The following AWAT1 variants were observed in gnomAD, a reference collection of about 807,000 sequenced individuals.
AWAT1 encodes the protein diacyl-glycerol acyltransferase 2.
A neutral mutation model predicts 21.6 loss-of-function variants in AWAT1; 26 were observed. The ratio of observed to expected loss-of-function variants is 1.20; its 90% confidence interval spans 0.88 to 1.67. AWAT1 has a LOEUF of 1.67. AWAT1 is among the 40% of genes most tolerant of loss of function. The pLI, the probability that AWAT1 is intolerant of heterozygous loss-of-function variation, is 0.00. For missense variants in AWAT1, 264 were observed against 249.4 expected, an observed-to-expected ratio of 1.06 and a Z score of -0.39; for synonymous variants, 102 against 99.3, an observed-to-expected ratio of 1.03 and a Z score of -0.16.
At chrX:70,235,113 A>C (rs912741219) in intron 1 of AWAT1, among the ~76,000 whole-genome samples, 2 of 111,181 alleles carry the variant, frequency 1.8e-5, no homozygotes, top group Non-Finnish European at 3.8e-5. Context: ...GATCATGGGG[A>C]ATAGGACAGA....
intron 1 of AWAT1, among the ~76,000 whole-genome samples, chrX:70,235,083 C>T (rs896728769): frequency 1.8e-5 from 2 of 110,651 alleles, no homozygotes; most frequent in Non-Finnish European, 3.8e-5. Context: ...AAAAGTGAGG[C>T]CCAGGGAATG....
At chrX:70,236,459 C>T (rs753117893) in intron 3 of AWAT1, among the ~76,000 whole-genome samples, 24 of 111,734 alleles carry the variant, frequency 2.1e-4, no homozygotes, top group Non-Finnish European at 3.0e-4. Context: ...TCTCTGCCAT[C>T]GAGGAGCTCA....
chrX:70,235,584 T>A (rs1209528690), intron 1 of AWAT1, 132 bp from the exon 2 acceptor site: 2 of 519,112 alleles, frequency 3.9e-6, no homozygotes, highest in African/African-American at 4.6e-5. Flanking sequence ...TAGACATGGA[T>A]GATGAACAGG....
At chrX:70,236,239 G>A (rs2085514266) in intron 3 of AWAT1, 100 bp downstream of exon 3, 1 of 696,071 alleles carries the variant, frequency 1.4e-6, no homozygotes, top group African/African-American at 2.1e-5. Flanking sequence ...AAGTATCCCA[G>A]GGAAGTCTCA....
chrX:70,236,980 C>T, intron 3 of AWAT1, 64 bp from the exon 4 acceptor site: 5 of 1,020,343 alleles, frequency 4.9e-6, no homozygotes, highest in Non-Finnish European at 6.8e-6. Context: ...TGAAGTATCA[C>T]CACCCTTGTT....
chrX:70,236,411 A>G (rs193038223), intron 3 of AWAT1, among the ~76,000 whole-genome samples: 1 of 111,858 alleles, frequency 8.9e-6, no homozygotes, highest in East Asian at 2.8e-4. Context: ...TCTACTCTGA[A>G]CCACGTTAGC....
intron 3 of AWAT1, 152 bp downstream of exon 3, chrX:70,236,291 GCACT>G: frequency 2.0e-6 from 1 of 497,928 alleles, no homozygotes; most frequent in Non-Finnish European, 3.3e-6. Flanking sequence ...TTTCTACTGA[GCACT>G]CCATACTCAG....
chrX:70,237,159 C>G lies in AWAT1; in HGVS notation c.371C>G (p.Ser124Trp), dbSNP rs752895931. Residue 124 changes from serine to tryptophan, a missense_variant, in exon 4 of 7, where the codon TCG (serine) becomes TGG (tryptophan). Coordinates refer to ENST00000374521, the MANE Select transcript of AWAT1 (RefSeq NM_001013579.3). ...CNFCTEATGF[S>W]KTFPGITPHL... The stretch of plus-strand genomic sequence containing the variant: ...TTCTGCACTGAGGCCACAGGCTTCT[C>G]GAAGACCTTCCCAGGCATCACTCCT... 8.3e-7 allele frequency: 1 copy of G among 1,207,900 alleles called. No homozygotes were observed. Among genetic ancestry groups the G allele is most frequent in the South Asian group, 1.8e-5 (1 of 55,964 alleles).
At chrX:70,234,865 T>A in intron 1 of AWAT1, 94 bp downstream of exon 1, 1 of 793,533 alleles carries the variant, frequency 1.3e-6, no homozygotes, top group Non-Finnish European at 1.9e-6. Context: ...AAGTCTCATT[T>A]TGAGCCTTTC....
At chrX:70,237,563 G>A (rs1569213498) in intron 4 of AWAT1, among the ~76,000 whole-genome samples, 1 of 109,779 alleles carries the variant, frequency 9.1e-6, no homozygotes, top group Non-Finnish European at 1.9e-5. Flanking sequence ...CAGGTGCAGT[G>A]ACTCACGCCT....
Position 70,240,052 on chromosome X carries a change from G to A in AWAT1, c.833-84G>A. Reference sequence around the variant, plus strand: ...GTGGGAGCTGATCTGGGATGCGAGAGTCAGGCCCAAGGTAGGAGAGGGAGG... The same window carrying A: ...GTGGGAGCTGATCTGGGATGCGAGAATCAGGCCCAAGGTAGGAGAGGGAGG... On this transcript the variant is annotated intron_variant, in intron 6 of 6. Coordinates refer to ENST00000374521, the MANE Select transcript of AWAT1 (RefSeq NM_001013579.3). 7.8e-6 allele frequency: 9 copies of A among 1,154,012 alleles called. No individual in the cohort carries two copies. The South Asian group carries it at 1.3e-4, about 17-fold the overall frequency.
At position 70,234,772 on chromosome X, in the gene AWAT1, G is replaced by A; in HGVS notation, c.76+1G>A. 1 of 1,205,322 alleles carries A rather than the reference G, an allele frequency of 8.3e-7. No individual in the cohort carries two copies. Among genetic ancestry groups the A allele is most frequent in the East Asian group, 3.0e-5 (1 of 33,781 alleles). On this transcript the variant is annotated splice_donor_variant, in intron 1 of 6. Coordinates refer to ENST00000374521, the MANE Select transcript of AWAT1 (RefSeq NM_001013579.3). LOFTEE classifies it high-confidence loss of function. ...TGGCCTTTGAGCTACCTTGCCATCT[G>A]TGAGTATTGACCCAAGAGTGCATAG...
At chrX:70,237,777 A>G (rs1472188258) in intron 4 of AWAT1, among the ~76,000 whole-genome samples, 3 of 95,950 alleles carry the variant, frequency 3.1e-5, no homozygotes, top group African/African-American at 1.2e-4. Context: ...GGTTGCAGTG[A>G]GCCGAGATCA....
At chrX:70,239,272 T>C (rs1216691885) in intron 5 of AWAT1, among the ~76,000 whole-genome samples, 1 of 112,679 alleles carries the variant, frequency 8.9e-6, no homozygotes, top group Non-Finnish European at 1.9e-5. Context: ...GAGAGATTGT[T>C]ATTAGCAAGT....
In AWAT1 at chrX:70,238,167, C is replaced by G. The variant is rs763245288; in HGVS notation, c.461-45C>G. 10 of 1,150,444 alleles carry G rather than the reference C, an allele frequency of 8.7e-6. No homozygotes were observed. The African/African-American group carries it at 1.4e-4, about 16-fold the overall frequency. The allele number at this position is 1,150,444 out of a possible 1,213,427, so 94.8% of individuals were successfully genotyped here. On this transcript the variant is annotated intron_variant, in intron 4 of 6. Coordinates refer to ENST00000374521, the MANE Select transcript of AWAT1 (RefSeq NM_001013579.3). ...AGCAGAGAAGAGTGTTCCCTCTTAG[C>G]AATTTTCTCCTCTCCTGATCATTTT...
At chrX:70,236,632 T>C (rs1220340907) in intron 3 of AWAT1, among the ~76,000 whole-genome samples, 1 of 111,588 alleles carries the variant, frequency 9.0e-6, no homozygotes, top group Non-Finnish European at 1.9e-5. Context: ...TGGAAGGGGA[T>C]TGGCAGGAAA....
chrX:70,236,279 C>T (rs1227500092), intron 3 of AWAT1, 140 bp downstream of exon 3: 1 of 521,315 alleles, frequency 1.9e-6, no homozygotes, highest in African/African-American at 2.3e-5. Flanking sequence ...CAAGATTCAA[C>T]ATTTCTACTG....
At chrX:70,236,038 A>AAGTAG (rs1484110352) in intron 2 of AWAT1, 31 bp from the exon 3 acceptor site, 1 of 1,153,301 alleles carries the variant, frequency 8.7e-7, no homozygotes, top group Admixed American at 2.2e-5. Context: ...GCACACACTG[A>AAGTAG]CATCATCCCC....
At chrX:70,235,389 A>T (rs2085510051) in intron 1 of AWAT1, among the ~76,000 whole-genome samples, 1 of 110,225 alleles carries the variant, frequency 9.1e-6, no homozygotes, top group African/African-American at 3.3e-5. Flanking sequence ...AGGGAGGGAG[A>T]CAGGAGACAA....
Sources: allele counts gnomAD v4.1 joint callset (sites outside exome capture counted in the v4.1 genomes callset), GRCh38; gene constraint gnomAD v4.1.1; transcripts MANE v1.5; gene names NCBI Gene and HGNC (gene_info 2026-07-23, HGNC 2026-07-21).